The following TSKU variants were observed in gnomAD, a reference collection of about 807,000 sequenced individuals.
The protein encoded by TSKU is tsukushi.
In TSKU, 4 loss-of-function variants were observed where a neutral mutation model predicts 11.2. The ratio of observed to expected loss-of-function variants is 0.36; its 90% CI spans 0.18 to 0.82. The LOEUF (loss-of-function observed/expected upper bound fraction) is 0.82, where lower values mean the gene tolerates loss of function less well. TSKU is among the 40% of genes least tolerant of loss of function. The pLI is 0.50. For missense variants in TSKU, 407 were observed against 482.5 expected (o/e 0.84, Z 1.47); for synonymous variants, 220 against 232.2 (o/e 0.95, Z 0.48).
At chr11:76,795,480 T>A in intron 1 of TSKU, 129 bp from the exon 2 acceptor site, 2 of 1,123,656 alleles carry the variant, frequency 1.8e-6, no homozygotes, top group Non-Finnish European at 2.5e-6. Flanking sequence ...CTGGGGAGTG[T>A]TCCAGGAAGC....
chr11:76,795,512 T>C, intron 1 of TSKU, 97 bp from the exon 2 acceptor site: 1 of 1,443,374 alleles, frequency 6.9e-7, no homozygotes, highest in Non-Finnish European at 9.3e-7. Context: ...TCGGGGTCTG[T>C]GACACCTTCC....
intron 1 of TSKU, 35 bp from the exon 2 acceptor site, chr11:76,795,574 G>A: frequency 6.3e-7 from 1 of 1,586,872 alleles, no homozygotes. Flanking sequence ...AGACCATCTG[G>A]TGCATTCATT....
intron 1 of TSKU, among the ~76,000 whole-genome samples, chr11:76,789,714 T>C (rs1001016704): frequency 6.6e-6 from 1 of 152,162 alleles, no homozygotes; most frequent in African/African-American, 2.4e-5. Flanking sequence ...TGGAAAAAAA[T>C]GTTGAATCTT....
rs1944449547 is a variant in TSKU, at chr11:76,796,388, G to T, written c.772G>T (p.Val258Phe). The T allele has an allele frequency of 3.1e-6, 5 of 1,613,462 alleles. No homozygotes were observed. Among genetic ancestry groups the T allele is most frequent in the Non-Finnish European group, 3.4e-6 (4 of 1,179,990 alleles). ...SGFRELPGLQVLDLSGNPKLN... is the reference protein window; with the variant it reads ...SGFRELPGLQFLDLSGNPKLN... ...CTTCCGTGAGCTACCGGGCCTGCAG[G>T]TCCTGGACCTGTCGGGCAACCCCAA... The change falls in exon 2 of 2, where the codon GTC becomes TTC. Residue 258 changes from valine to phenylalanine, a missense_variant. Physicochemically the swap from Val to Phe is conservative, Grantham distance 50 (BLOSUM62 -1). Coordinates refer to ENST00000333090, the MANE Select transcript of TSKU (RefSeq NM_015516.4). This position sits in a 1 kb window ranked among gnomAD's most constrained non-coding sequence, Gnocchi z 4.1.
chr11:76,792,508 T>G (rs1944385222), intron 1 of TSKU: 1 of 152,228 alleles, frequency 6.6e-6, no homozygotes, highest in Admixed American at 6.5e-5. Flanking sequence ...GGTTTAGCTG[T>G]GCCCGCACCC....
intron 1 of TSKU, among the ~76,000 whole-genome samples, chr11:76,783,904 A>AC (rs1177583564): frequency 4.1e-4 from 36 of 87,718 alleles, no homozygotes; most frequent in Middle Eastern, 5.2e-3. Context: ...ACGCCGCCCC[A>AC]CCCCCCCGCT....
Position 76,796,749 on chromosome 11 carries a change from T to A in TSKU, c.*71T>A. 1 of 1,249,390 alleles carries A rather than the reference T, an allele frequency of 8.0e-7. No homozygotes were observed. Among genetic ancestry groups the A allele is most frequent in the Non-Finnish European group, 1.1e-6 (1 of 934,648 alleles). 77.4% of individuals were successfully genotyped at this position (1,249,390 alleles called of 1,614,324 possible). A position where few individuals can be genotyped will look rare whatever the true frequency, so the allele number is the denominator to read the frequency against. On this transcript the variant is annotated 3_prime_UTR_variant, in exon 2 of 2. Coordinates refer to ENST00000333090, the MANE Select transcript of TSKU (RefSeq NM_015516.4). This position sits in a 1 kb window ranked among gnomAD's most constrained non-coding sequence, Gnocchi z 4.1. ...TGCCTCAGGTCCCGAGTAACTTATG[T>A]TCAATGTGCCAACACCAGTGGGGAG...
chr11:76,796,268 G>T lies in TSKU; in HGVS notation c.652G>T (p.Ala218Ser). Residue 218 changes from alanine to serine, a missense_variant, in exon 2 of 2, where the codon GCT becomes TCT. Physicochemically the swap from Ala to Ser is moderately conservative, Grantham distance 99. Transcript: ENST00000333090. The surrounding 1 kb of genome is among the most constrained non-coding windows in gnomAD (Gnocchi z 4.1). The part of the protein sequence containing the change: ...RYLSLDGNPL[A>S]VIGPGAFAGL... Reference sequence around the variant, plus strand: ...CCTGAGCCTGGATGGGAACCCTCTAGCTGTCATTGGTCCGGGTGCCTTCGC... The same window carrying T: ...CCTGAGCCTGGATGGGAACCCTCTATCTGTCATTGGTCCGGGTGCCTTCGC... The T allele has an allele frequency of 3.1e-6, 5 of 1,613,390 alleles. No homozygotes were observed. The highest frequency in any genetic ancestry group is 4.2e-6 in the Non-Finnish European group (5 of 1,179,992).
chr11:76,795,072 G>T (rs2134403601), intron 1 of TSKU, among the ~76,000 whole-genome samples: 1 of 152,324 alleles, frequency 6.6e-6, no homozygotes, highest in African/African-American at 2.4e-5. Context: ...CTGTGGGGCA[G>T]CCAGAACAGT....
intron 1 of TSKU, among the ~76,000 whole-genome samples, chr11:76,788,296 G>A (rs1944331788): frequency 6.6e-6 from 1 of 152,044 alleles, no homozygotes; most frequent in African/African-American, 2.4e-5. Flanking sequence ...GTTGTCGAGG[G>A]CGGTGGGGGG....
chr11:76,789,561 T>A (rs1375308791), intron 1 of TSKU, among the ~76,000 whole-genome samples: 2 of 152,246 alleles, frequency 1.3e-5, no homozygotes, highest in African/African-American at 4.8e-5. Flanking sequence ...CAACAATGCA[T>A]GATTCATGGC....
chr11:76,782,609 A>G (rs1410052334), upstream of TSKU: 2 of 150,058 alleles, frequency 1.3e-5, no homozygotes, highest in Non-Finnish European at 3.0e-5. Context: ...CCCAAGAGCT[A>G]CAGCAGGGGG....
rs1196743613 is a variant in TSKU at position 76,797,996 on chromosome 11, G to T, written c.*1318G>T. ...TATTGTCCTGGGCCTGTGTTGGGGT[G>T]TTGGGGGAAGCTGGGCATCAGTGGC... On this transcript the variant is annotated 3_prime_UTR_variant, in exon 2 of 2. Transcript: ENST00000333090. The T allele has an allele frequency of 6.0e-6, 1 of 167,248 alleles. No homozygotes were observed. The highest frequency in any genetic ancestry group is 1.5e-5 in the Non-Finnish European group (1 of 68,224). 10.4% of individuals were successfully genotyped at this position (167,248 alleles called of 1,614,324 possible). A position where few individuals can be genotyped will look rare whatever the true frequency, so the allele number is the denominator to read the frequency against.
intron 1 of TSKU, among the ~76,000 whole-genome samples, chr11:76,789,244 G>A (rs948541819): frequency 2.6e-5 from 4 of 152,248 alleles, no homozygotes; most frequent in African/African-American, 9.6e-5. Flanking sequence ...TCCCACTTTG[G>A]CTGTCAAGGA....
intron 1 of TSKU, among the ~76,000 whole-genome samples, chr11:76,787,734 A>G (rs1308437631): frequency 2.0e-5 from 3 of 151,810 alleles, no homozygotes; most frequent in Non-Finnish European, 4.4e-5. Flanking sequence ...CCCTGCCCAC[A>G]GTAGGATAGA....
intron 1 of TSKU, among the ~76,000 whole-genome samples, chr11:76,788,168 G>A (rs1944330044): frequency 6.6e-6 from 1 of 152,038 alleles, no homozygotes. Context: ...TCATGACTGA[G>A]GGGAGCAGGG....
At position 76,795,717 on chromosome 11, in the gene TSKU, T is replaced by C; in HGVS notation, c.101T>C (p.Phe34Ser). The C allele has an allele frequency of 6.2e-7, 1 of 1,614,210 alleles. No individual in the cohort carries two copies. Reference sequence around the variant, plus strand: ...TGCGAGGTGGAGACCTTCGGCCTTTTCGACAGCTTCAGCCTGACTCGGGTG... The same window carrying C: ...TGCGAGGTGGAGACCTTCGGCCTTTCCGACAGCTTCAGCCTGACTCGGGTG... ...CQCEVETFGL[F>S]DSFSLTRVDC... The change falls in exon 2 of 2, where the codon TTC becomes TCC. Residue 34 changes from phenylalanine (F) to serine (S), a missense_variant. Coordinates refer to ENST00000333090, the MANE Select transcript of TSKU (RefSeq NM_015516.4).
intron 1 of TSKU, among the ~76,000 whole-genome samples, chr11:76,785,924 G>A (rs1372681723): frequency 6.6e-6 from 1 of 152,164 alleles, no homozygotes; most frequent in Non-Finnish European, 1.5e-5. Flanking sequence ...AAAATGTGAG[G>A]ATACTAATTC....
chr11:76,791,832 CA>C (rs1944374743), intron 1 of TSKU: 1 of 152,224 alleles, frequency 6.6e-6, no homozygotes, highest in South Asian at 2.1e-4. Context: ...GATGCCCAGG[CA>C]AAAGTTTGCT....
Sources: allele counts gnomAD v4.1 joint callset (sites outside exome capture counted in the v4.1 genomes callset), GRCh38; gene constraint gnomAD v4.1.1; non-coding constraint Gnocchi (gnomAD v3.1); transcripts MANE v1.5; gene names NCBI Gene and HGNC (gene_info 2026-07-23, HGNC 2026-07-21).